The following NIPA1 variants were observed in gnomAD, a reference collection of about 807,000 sequenced individuals.
NIPA1 encodes the protein NIPA magnesium transporter 1.
NIPA1 carries 13 observed loss-of-function variants against 23.9 expected under a neutral mutation model. That is an observed-to-expected ratio of 0.54 (90% confidence interval 0.35 to 0.87). The LOEUF is 0.87. Among genes scored for constraint, NIPA1 ranks in the 40% least tolerant of loss-of-function variants. The pLI is 0.01. For synonymous variants in NIPA1, 234 were observed against 202.9 expected, an observed-to-expected ratio of 1.15 and a Z score of -1.30; for missense variants, 362 against 429.7, an observed-to-expected ratio of 0.84 and a Z score of 1.39.
chr15:22,808,522 C>T (rs1895257584), intron 1 of NIPA1, among the ~76,000 whole-genome samples: 1 of 152,130 alleles, frequency 6.6e-6, no homozygotes, highest in South Asian at 2.1e-4. Flanking sequence ...AAGCCAGTGT[C>T]CATCAGGCTT....
chr15:22,788,429 A>T (rs1384592453), intron 1 of NIPA1, among the ~76,000 whole-genome samples: 2 of 149,544 alleles, frequency 1.3e-5, no homozygotes, highest in Non-Finnish European at 3.0e-5. Context: ...TGAACCCGGG[A>T]GACAGAGGTT....
intron 1 of NIPA1, among the ~76,000 whole-genome samples, chr15:22,791,938 G>A (rs1894838524): frequency 6.6e-6 from 1 of 152,094 alleles, no homozygotes; most frequent in African/African-American, 2.4e-5. Flanking sequence ...AGGCTCGGAT[G>A]GGGCCGCCTG....
chr15:22,818,973 G>A (rs145822720), intron 3 of NIPA1, among the ~76,000 whole-genome samples: 4 of 152,026 alleles, frequency 2.6e-5, no homozygotes, highest in African/African-American at 7.2e-5. Flanking sequence ...TTTTTGCCCT[G>A]TGAGCCCCCT....
intron 4 of NIPA1, among the ~76,000 whole-genome samples, chr15:22,820,875 C>G (rs540033236): frequency 6.6e-6 from 1 of 152,292 alleles, no homozygotes; most frequent in East Asian, 1.9e-4. Context: ...GCACTTCACT[C>G]CCTCCAGCGT....
chr15:22,807,804 G>GTGTGTGTGTGTGT (rs1895240688), intron 1 of NIPA1, among the ~76,000 whole-genome samples: 4 of 150,808 alleles, frequency 2.7e-5, no homozygotes, highest in Non-Finnish European at 4.4e-5. Context: ...GTGTGTGTGT[G>GTGTGTGTGTGTGT]ATGGAGTCTC....
chr15:22,805,863 C>CCTTCTAATT (rs1218656077), intron 1 of NIPA1, among the ~76,000 whole-genome samples: 1 of 152,054 alleles, frequency 6.6e-6, no homozygotes, highest in East Asian at 1.9e-4. Flanking sequence ...AAGGTAAATA[C>CCTTCTAATT]ATTGGATGCC....
Position 22,826,632 on chromosome 15 carries a change from A to G in NIPA1, c.*2393A>G, listed in dbSNP as rs1013646629. On this transcript the variant is annotated 3_prime_UTR_variant, in exon 5 of 5. Coordinates refer to ENST00000337435, the MANE Select transcript of NIPA1 (RefSeq NM_144599.5). The stretch of plus-strand genomic sequence containing the variant: ...GTACCTTAGTATATTTTAATCCACA[A>G]TTATACCATTGATACTGAGAGGTGA... 3.9e-5 allele frequency: 6 copies of G among 152,160 alleles called. No individual in the cohort carries two copies. Among genetic ancestry groups the G allele is most frequent in the Non-Finnish European group, 7.4e-5 (5 of 68,024 alleles). The allele number at this position is 152,160 out of a possible 1,614,324, so 9.4% of individuals were successfully genotyped here.
intron 1 of NIPA1, among the ~76,000 whole-genome samples, chr15:22,793,021 A>G (rs1894864422): frequency 6.6e-6 from 1 of 152,110 alleles, no homozygotes; most frequent in South Asian, 2.1e-4. Context: ...AGATCACACC[A>G]CTGCACTCCA....
At chr15:22,805,987 G>A (rs7168955) in intron 1 of NIPA1, among the ~76,000 whole-genome samples, 4 of 151,922 alleles carry the variant, frequency 2.6e-5, no homozygotes, top group Admixed American at 6.6e-5. Flanking sequence ...GCAGTGGCGC[G>A]ATCTCGGCTC....
At chr15:22,808,097 T>A (rs1895250234) in intron 1 of NIPA1, among the ~76,000 whole-genome samples, 1 of 152,136 alleles carries the variant, frequency 6.6e-6, no homozygotes, top group Non-Finnish European at 1.5e-5. Context: ...CCCACTTTGT[T>A]AAGTACTTTA....
chr15:22,803,315 G>A (rs1314223386), intron 1 of NIPA1, among the ~76,000 whole-genome samples: 3 of 151,600 alleles, frequency 2.0e-5, no homozygotes, highest in Admixed American at 6.6e-5. Flanking sequence ...GGGTTCTACC[G>A]TATTATTGAC....
intron 3 of NIPA1, among the ~76,000 whole-genome samples, chr15:22,812,984 C>G (rs1193766011): frequency 6.6e-6 from 1 of 152,138 alleles, no homozygotes; most frequent in Non-Finnish European, 1.5e-5. Context: ...CAGGAAATTA[C>G]AGAGGTTGGG....
At chr15:22,796,802 C>T (rs1305746373) in intron 1 of NIPA1, among the ~76,000 whole-genome samples, 1 of 152,172 alleles carries the variant, frequency 6.6e-6, no homozygotes, top group Non-Finnish European at 1.5e-5. Flanking sequence ...CCGACCCATG[C>T]AGGGACAGGG....
Position 22,786,677 on chromosome 15 carries a change from A to AGCGGCG in NIPA1, c.42_47dup (p.Ala15_Ala16dup), listed in dbSNP as rs531550505. 15,292 of 1,070,780 alleles carry AGCGGCG rather than the reference A, an allele frequency of 0.014. 103 individuals carry two copies. Among genetic ancestry groups the AGCGGCG allele is most frequent in the Non-Finnish European group, 0.015 (13,308 of 885,460 alleles). The allele number at this position is 1,070,780 out of a possible 1,614,324, so 66.3% of individuals were successfully genotyped here. A position where few individuals can be genotyped will look rare whatever the true frequency, so the allele number is the denominator to read the frequency against. ...GCGGAATGGGGACTGCAGCTGCGGC[A>AGCGGCG]GCGGCGGCGGCGGCGGCGGCGGCGG... On this transcript the variant is annotated inframe_insertion, in exon 1 of 5. Transcript: ENST00000337435.
At chr15:22,820,203 G>T in intron 3 of NIPA1, 110 bp from the exon 4 acceptor site, 2 of 811,488 alleles carry the variant, frequency 2.5e-6, no homozygotes, top group South Asian at 1.5e-5. Context: ...TCTCTTAAAG[G>T]GAAAAAAAGA....
chr15:22,788,919 T>TTAAAAAAAAAAAA (rs1555371776), intron 1 of NIPA1, among the ~76,000 whole-genome samples: 1 of 78,794 alleles, frequency 1.3e-5, no homozygotes, highest in African/African-American at 5.1e-5. Context: ...GGCTCTGTCT[T>TTAAAAAAAAAAAA]AAAAAAAAAA....
At chr15:22,812,135 A>G (rs777030464) in intron 2 of NIPA1, 28 bp from the exon 3 acceptor site, 21 of 1,535,326 alleles carry the variant, frequency 1.4e-5, no homozygotes, top group East Asian at 9.0e-5. Flanking sequence ...TGTAATTGCA[A>G]GTAGTATCCT....
intron 3 of NIPA1, among the ~76,000 whole-genome samples, chr15:22,818,936 G>A (rs960755960): frequency 3.9e-5 from 6 of 152,076 alleles, no homozygotes; most frequent in East Asian, 1.9e-4. Context: ...TAGTCCACCC[G>A]TTGTCCGAGG....
At chr15:22,797,009 C>T (rs1033680292) in intron 1 of NIPA1, among the ~76,000 whole-genome samples, 1 of 151,644 alleles carries the variant, frequency 6.6e-6, no homozygotes, top group Non-Finnish European at 1.5e-5. Context: ...CTCATCTCTC[C>T]ACCTGGAGGT....
Sources: allele counts gnomAD v4.1 joint callset (sites outside exome capture counted in the v4.1 genomes callset), GRCh38; gene constraint gnomAD v4.1.1; transcripts MANE v1.5; gene names NCBI Gene and HGNC (gene_info 2026-07-23, HGNC 2026-07-21).